ATF1: variants seen among roughly 807,000 people sequenced by gnomAD.
The protein encoded by ATF1 is activating transcription factor 1, also known as cyclic AMP-dependent transcription factor ATF-1.
A neutral mutation model predicts 34.7 loss-of-function variants in ATF1; 16 were observed. The observed-to-expected ratio is 0.46, with a 90% CI of 0.31 to 0.70. ATF1 has a LOEUF of 0.70. Ranked by LOEUF, ATF1 falls within the 30% of genes least tolerant of loss-of-function variation. The pLI is 0.05. For synonymous variants in ATF1, 105 were observed against 113.1 expected, an observed-to-expected ratio of 0.93 and a Z score of 0.46; for missense variants, 255 against 321.6, an observed-to-expected ratio of 0.79 and a Z score of 1.58.
intron 1 of ATF1, among the ~76,000 whole-genome samples, chr12:50,767,345 C>T (rs1940662200): frequency 6.6e-6 from 1 of 152,122 alleles, no homozygotes. Context: ...ATGGTGAAAC[C>T]CTATCTCTAC....
intron 3 of ATF1, among the ~76,000 whole-genome samples, chr12:50,797,042 C>CA (rs1941421994): frequency 6.6e-6 from 1 of 152,058 alleles, no homozygotes. Context: ...TAACTGAAGA[C>CA]AAAATGAGAG....
chr12:50,788,503 G>C (rs2139661378), intron 2 of ATF1, among the ~76,000 whole-genome samples: 1 of 150,270 alleles, frequency 6.7e-6, no homozygotes, highest in South Asian at 2.1e-4. Flanking sequence ...TTTTTTTTTG[G>C]AAACCGAGTA....
intron 6 of ATF1, 87 bp from the exon 7 acceptor site, chr12:50,819,548 G>A (rs1330677065): frequency 1.0e-5 from 15 of 1,448,772 alleles, no homozygotes; most frequent in Non-Finnish European, 1.4e-5. Flanking sequence ...AGAAAAAAAG[G>A]TGACCACGGA....
intron 3 of ATF1, among the ~76,000 whole-genome samples, chr12:50,805,027 G>A (rs1395907270): frequency 2.6e-5 from 4 of 151,782 alleles, no homozygotes; most frequent in Non-Finnish European, 4.4e-5. Context: ...TGTCCAGGCT[G>A]GTTTCGAGCT....
Position 50,816,981 on chromosome 12 carries a change from C to A in ATF1, c.671+2542C>A, listed in dbSNP as rs909589349. On this transcript the variant is annotated intron_variant, in intron 6 of 6. Transcript: ENST00000262053. ...TACACATTTAGATACCCTTTATACC[C>A]ACCCAATTGGCAAAAATTTTAAAGT... Among the ~76,000 whole-genome samples, 5 of 152,320 alleles carry A rather than the reference C, an allele frequency of 3.3e-5. No individual in the cohort carries two copies. The East Asian group carries it at 9.6e-4, about 29-fold the overall frequency.
At chr12:50,808,053 G>A (rs1303451101) in intron 3 of ATF1, among the ~76,000 whole-genome samples, 3 of 151,950 alleles carry the variant, frequency 2.0e-5, no homozygotes, top group African/African-American at 7.3e-5. Context: ...CAGGTGATCC[G>A]CCTGCCTTGG....
At chr12:50,805,864 A>C (rs988116645) in intron 3 of ATF1, among the ~76,000 whole-genome samples, 1 of 152,130 alleles carries the variant, frequency 6.6e-6, no homozygotes, top group African/African-American at 2.4e-5. Context: ...TGAGAAAAAA[A>C]ATAAAGCCAG....
At chr12:50,763,931 A>G (rs1034641059), upstream of ATF1, 2 of 152,286 alleles carry the variant, frequency 1.3e-5, no homozygotes, top group African/African-American at 4.8e-5. Context: ...ACAAGTCAGG[A>G]CCGCGTACAA....
At chr12:50,777,852 T>C (rs975857631) in intron 1 of ATF1, among the ~76,000 whole-genome samples, 1 of 152,050 alleles carries the variant, frequency 6.6e-6, no homozygotes, top group African/African-American at 2.4e-5. Context: ...TCCACAGTTA[T>C]TAATTCAATG....
In ATF1 at chr12:50,819,680, A is replaced by G. The variant is rs545666741; in HGVS notation, c.717A>G (p.Lys239=). ...ECRRKKKEYV[K]CLENRVAVLE... Reference sequence around the variant, plus strand: ...GCAGAAAGAAGAAAGAATATGTGAAATGCCTGGAAAACCGAGTTGCAGTCC... The same window carrying G: ...GCAGAAAGAAGAAAGAATATGTGAAGTGCCTGGAAAACCGAGTTGCAGTCC... The change falls in exon 7 of 7, where the codon AAA becomes AAG. Residue 239 remains lysine, a synonymous_variant. Coordinates refer to ENST00000262053, the MANE Select transcript of ATF1 (RefSeq NM_005171.5). 2.5e-6 allele frequency: 4 copies of G among 1,613,344 alleles called. No individual in the cohort carries two copies. The highest frequency in any genetic ancestry group is 1.3e-5 in the African/African-American group (1 of 75,040).
At chr12:50,804,747 G>GTCT (rs1941581241) in intron 3 of ATF1, among the ~76,000 whole-genome samples, 1 of 151,826 alleles carries the variant, frequency 6.6e-6, no homozygotes, top group Non-Finnish European at 1.5e-5. Context: ...AGAACTTACA[G>GTCT]TCAGAAAATC....
chr12:50,793,023 G>A (rs928961125), intron 2 of ATF1, among the ~76,000 whole-genome samples: 2 of 151,440 alleles, frequency 1.3e-5, no homozygotes, highest in Admixed American at 6.6e-5. Flanking sequence ...GTCATCTCTC[G>A]TTTTTAGAAG....
At chr12:50,813,288 G>C (rs890204641) in intron 4 of ATF1, among the ~76,000 whole-genome samples, 2 of 152,100 alleles carry the variant, frequency 1.3e-5, no homozygotes, top group Non-Finnish European at 2.9e-5. Context: ...TATCACTTAA[G>C]TAAATATCTT....
At chr12:50,781,880 A>C (rs1289128547) in intron 2 of ATF1, among the ~76,000 whole-genome samples, 1 of 148,026 alleles carries the variant, frequency 6.8e-6, no homozygotes, top group African/African-American at 2.5e-5. Context: ...ATGCCACTGC[A>C]CTCCAGCCTG....
chr12:50,805,268 C>CA (rs1321643174), intron 3 of ATF1, among the ~76,000 whole-genome samples: 4 of 151,792 alleles, frequency 2.6e-5, no homozygotes, highest in Admixed American at 6.6e-5. Flanking sequence ...ATAATAGGTA[C>CA]AGGAAGGCTA....
chr12:50,768,642 A>G (rs1044980416), intron 1 of ATF1, among the ~76,000 whole-genome samples: 1 of 151,212 alleles, frequency 6.6e-6, no homozygotes, highest in South Asian at 2.1e-4. Context: ...ATATTTATAT[A>G]AAAGAGCTCT....
chr12:50,798,411 C>A (rs539327861), intron 3 of ATF1, among the ~76,000 whole-genome samples: 8 of 151,632 alleles, frequency 5.3e-5, no homozygotes, highest in African/African-American at 1.9e-4. Flanking sequence ...TGGGTTCATG[C>A]CATTCTCCTG....
chr12:50,773,387 G>A (rs1940827549), intron 1 of ATF1, among the ~76,000 whole-genome samples: 1 of 148,218 alleles, frequency 6.7e-6, no homozygotes, highest in Non-Finnish European at 1.5e-5. Flanking sequence ...CACCAACAAC[G>A]TAAAAGCATT....
chr12:50,785,213 G>A (rs1052477634), intron 2 of ATF1, among the ~76,000 whole-genome samples: 9 of 149,050 alleles, frequency 6.0e-5, no homozygotes, highest in African/African-American at 2.0e-4. Context: ...CTTGAGCCCA[G>A]GAGTTCCAGA....
Sources: allele counts gnomAD v4.1 joint callset (sites outside exome capture counted in the v4.1 genomes callset), GRCh38; gene constraint gnomAD v4.1.1; transcripts MANE v1.5; gene names NCBI Gene and HGNC (gene_info 2026-07-23, HGNC 2026-07-21).